Variants in CEP57L1 observed in about 807,000 individuals in gnomAD.
CEP57L1 encodes centrosomal protein 57 like 1.
CEP57L1 carries 37 observed loss-of-function variants against 61.0 expected under a neutral mutation model. That is an observed-to-expected ratio of 0.61 (90% confidence interval 0.47 to 0.80). The LOEUF is 0.80. Among genes scored for constraint, CEP57L1 ranks in the 30% least tolerant of loss-of-function variants. The probability of loss-of-function intolerance (pLI) is 0.00; values close to 1 mark genes in which losing one functional copy is unlikely to be tolerated. For synonymous variants in CEP57L1, 137 were observed against 162.3 expected (o/e 0.84, Z 1.19); for missense variants, 422 against 524.7 (o/e 0.80, Z 1.91).
At chr6:109,146,722 T>G in intron 2 of CEP57L1, 36 bp from the exon 3 acceptor site, 1 of 1,396,194 alleles carries the variant, frequency 7.2e-7, no homozygotes, top group Non-Finnish European at 9.7e-7. Flanking sequence ...TTCAGAAACT[T>G]TCACTTAAAA....
At chr6:109,121,219 G>A (rs1772932264) in intron 1 of CEP57L1, among the ~76,000 whole-genome samples, 1 of 152,062 alleles carries the variant, frequency 6.6e-6, no homozygotes, top group Admixed American at 6.6e-5. Context: ...GTGATCAGTT[G>A]GTGTTTATTT....
chr6:109,106,649 C>A (rs6907197), intron 1 of CEP57L1, among the ~76,000 whole-genome samples: 6,879 of 152,132 alleles, frequency 0.045, 322 homozygotes, highest in African/African-American at 0.11. Flanking sequence ...ATGTTCAAGA[C>A]CAGGCATGAT....
chr6:109,142,041 G>T (rs1365958532), intron 1 of CEP57L1, among the ~76,000 whole-genome samples: 5 of 152,180 alleles, frequency 3.3e-5, no homozygotes, highest in African/African-American at 9.6e-5. Context: ...AAAATGCTTT[G>T]CAGTAAAGTG....
intron 1 of CEP57L1, among the ~76,000 whole-genome samples, chr6:109,127,984 T>C (rs1026441563): frequency 6.6e-6 from 1 of 152,144 alleles, no homozygotes; most frequent in Non-Finnish European, 1.5e-5. Context: ...TGAGGAGGAC[T>C]AACAATGGTT....
At chr6:109,159,499 G>T (rs1361601602) in intron 9 of CEP57L1, 37 bp downstream of exon 9, 1 of 1,582,224 alleles carries the variant, frequency 6.3e-7, no homozygotes, top group Admixed American at 1.7e-5. Context: ...TCAAGAGACA[G>T]TGTCTCGCTA....
chr6:109,115,392 G>A (rs1772151413), intron 1 of CEP57L1, among the ~76,000 whole-genome samples: 1 of 151,998 alleles, frequency 6.6e-6, no homozygotes, highest in African/African-American at 2.4e-5. Context: ...GTTTTCTTTG[G>A]GAAATTTACA....
intron 1 of CEP57L1, among the ~76,000 whole-genome samples, chr6:109,105,129 A>G (rs915543419): frequency 2.0e-5 from 3 of 151,968 alleles, no homozygotes; most frequent in African/African-American, 7.2e-5. Flanking sequence ...CTTTTATGTT[A>G]TATATGTTTC....
chr6:109,121,179 T>C (rs1772929373), intron 1 of CEP57L1, among the ~76,000 whole-genome samples: 1 of 152,204 alleles, frequency 6.6e-6, no homozygotes, highest in Non-Finnish European at 1.5e-5. Context: ...TATTTGTAAG[T>C]TACACTTTTG....
chr6:109,103,939 A>C (rs1478386054), intron 1 of CEP57L1, among the ~76,000 whole-genome samples: 2 of 152,036 alleles, frequency 1.3e-5, no homozygotes, highest in Non-Finnish European at 2.9e-5. Context: ...AAAGCATTAC[A>C]TATTTCAAAC....
Position 109,172,618 on chromosome 6 carries a change from TGCATTG to T in CEP57L1, c.*9649_*9654del, listed in dbSNP as rs1235159378. 6.6e-6 allele frequency among the ~76,000 whole-genome samples: 1 copy of T among 152,214 alleles called. No homozygotes were observed. Among genetic ancestry groups the T allele is most frequent in the African/African-American group, 2.4e-5 (1 of 41,454 alleles). On this transcript the variant is annotated 3_prime_UTR_variant, in exon 11 of 11. Coordinates refer to ENST00000517392, the MANE Select transcript of CEP57L1 (RefSeq NM_001271852.3). ...TTTGTTTTCTGACCCAAAAGTGATGTGCATTGCTTACCTATCATGGCCTCTGGTTAA... is the reference window on the plus strand; with the variant it reads ...TTTGTTTTCTGACCCAAAAGTGATGTCTTACCTATCATGGCCTCTGGTTAA...
intron 5 of CEP57L1, among the ~76,000 whole-genome samples, chr6:109,154,614 T>C (rs1250459444): frequency 6.6e-6 from 1 of 152,088 alleles, no homozygotes; most frequent in Non-Finnish European, 1.5e-5. Context: ...TGAACACTAA[T>C]AATAATGTTC....
Position 109,160,587 on chromosome 6 carries a change from A to G in CEP57L1, c.1032A>G (p.Leu344=). 1 of 1,607,180 alleles carries G rather than the reference A, an allele frequency of 6.2e-7. No homozygotes were observed. Among genetic ancestry groups the G allele is most frequent in the Non-Finnish European group, 8.5e-7 (1 of 1,177,162 alleles). ...TCTTTCATAGGGAGCACCAAGAACT[A>G]CTGAAACAAATGAAGGAAACTGAAA... ...LDQMSMEHQE[L]LKQMKETESH... Residue 344 remains leucine (L), a synonymous_variant, in exon 10 of 11, where the codon CTA becomes CTG. Coordinates refer to ENST00000517392, the MANE Select transcript of CEP57L1 (RefSeq NM_001271852.3).
At position 109,160,642 on chromosome 6, in the gene CEP57L1, G is replaced by C. The variant is rs1199482495; in HGVS notation, c.1087G>C (p.Glu363Gln). ...TTCAGTCTGTGACGACATAGAATGT[G>C]AACTAGAGTGTTTACTCAAGAAAAT... ...SHSVCDDIEC[E>Q]LECLLKKMEI... Residue 363 changes from glutamate (E) to glutamine (Q), a missense_variant, in exon 10 of 11, where the codon GAA becomes CAA. By Grantham distance (29) the Glu-to-Gln change is conservative. Coordinates refer to ENST00000517392, the MANE Select transcript of CEP57L1 (RefSeq NM_001271852.3). 6.2e-7 allele frequency: 1 copy of C among 1,608,846 alleles called. No individual in the cohort carries two copies. Among genetic ancestry groups the C allele is most frequent in the South Asian group, 1.1e-5 (1 of 89,812 alleles).
chr6:109,110,514 A>G (rs1306558962), intron 1 of CEP57L1, among the ~76,000 whole-genome samples: 1 of 152,176 alleles, frequency 6.6e-6, no homozygotes, highest in Non-Finnish European at 1.5e-5. Context: ...GCTATGCAGA[A>G]GCTCTTTAGT....
At position 109,170,272 on chromosome 6, in the gene CEP57L1, A is replaced by ACAC. The variant is rs1196904906; in HGVS notation, c.*7302_*7303insCAC. ...AAATCTTAGTCTTTAAGAACAGAGG[A>ACAC]TTGTAAAGTGAGCCAGACCTTCCAA... On this transcript the variant is annotated 3_prime_UTR_variant, in exon 11 of 11. Transcript: ENST00000517392. Among the ~76,000 whole-genome samples, 9 of 152,326 alleles carry ACAC rather than the reference A, an allele frequency of 5.9e-5. No homozygotes were observed. In the East Asian group the frequency reaches 1.7e-3, roughly 29 times the overall value.
At position 109,168,697 on chromosome 6, in the gene CEP57L1, G is replaced by C. The variant is rs1774252594; in HGVS notation, c.*5727G>C. ...TGCAACCTCCACCTCCCAGGTTCAA[G>C]CAATTCTCCTGCCTCAGCCTCCCAA... On this transcript the variant is annotated 3_prime_UTR_variant, in exon 11 of 11. Coordinates refer to ENST00000517392, the MANE Select transcript of CEP57L1 (RefSeq NM_001271852.3). 1.4e-5 allele frequency among the ~76,000 whole-genome samples: 2 copies of C among 147,892 alleles called. No homozygotes were observed. The highest frequency in any genetic ancestry group is 1.4e-4 in the Admixed American group (2 of 14,482).
intron 5 of CEP57L1, 60 bp downstream of exon 5, chr6:109,154,009 T>C (rs966448033): frequency 1.4e-5 from 12 of 874,754 alleles, no homozygotes; most frequent in Non-Finnish European, 1.8e-5. Flanking sequence ...GCATAATTGG[T>C]ATTTTATGTG....
chr6:109,161,375 A>G (rs1773703575), intron 10 of CEP57L1, among the ~76,000 whole-genome samples: 1 of 152,184 alleles, frequency 6.6e-6, no homozygotes, highest in African/African-American at 2.4e-5. Context: ...CAGCACTATT[A>G]CACTGCTGGA....
chr6:109,110,503 T>C (rs1243704170), intron 1 of CEP57L1, among the ~76,000 whole-genome samples: 1 of 152,228 alleles, frequency 6.6e-6, no homozygotes, highest in South Asian at 2.1e-4. Flanking sequence ...TAGTTTCTTT[T>C]GCTATGCAGA....
Sources: allele counts gnomAD v4.1 joint callset (sites outside exome capture counted in the v4.1 genomes callset), GRCh38; gene constraint gnomAD v4.1.1; transcripts MANE v1.5; gene names NCBI Gene and HGNC (gene_info 2026-07-23, HGNC 2026-07-21).